SLC5A5: variants seen among roughly 807,000 people sequenced by gnomAD.
SLC5A5 encodes solute carrier family 5 member 5, also known as sodium/iodide cotransporter.
In SLC5A5, 56 loss-of-function variants were observed where a neutral mutation model predicts 68.6. That is an observed-to-expected ratio of 0.82 (90% CI 0.66 to 1.02). The LOEUF is 1.02. SLC5A5 is among the 50% of genes least tolerant of loss of function. The probability of loss-of-function intolerance (pLI) is 0.00; values close to 1 mark genes in which losing one functional copy is unlikely to be tolerated. For missense variants in SLC5A5, 807 were observed against 859.8 expected, an observed-to-expected ratio of 0.94 and a Z score of 0.77; for synonymous variants, 398 against 373.0, an observed-to-expected ratio of 1.07 and a Z score of -0.77.
intron 8 of SLC5A5, among the ~76,000 whole-genome samples, chr19:17,881,265 GT>G (rs34835308): frequency 9.3e-5 from 14 of 149,944 alleles, no homozygotes; most frequent in African/African-American, 3.4e-4. Context: ...GGCAGGTACT[GT>G]TTTTTTTTGT....
chr19:17,880,932 G>A lies in SLC5A5; in HGVS notation c.1037G>A (p.Cys346Tyr). Residue 346 changes from cysteine (C) to tyrosine (Y), a missense_variant, in exon 8 of 15, where the codon TGT (cysteine) becomes TAT (tyrosine). Coordinates refer to ENST00000222248, the MANE Select transcript of SLC5A5 (RefSeq NM_000453.3). ...GGAGTCCCCGGGCTTTTCCTGGCCT[G>A]TGCTTACAGTGGCACCCTCAGGTGA... The part of the protein sequence containing the change: ...LPGVPGLFLA[C>Y]AYSGTLSTAS... 1 of 1,613,818 alleles carries A rather than the reference G, an allele frequency of 6.2e-7. No individual in the cohort carries two copies. Among genetic ancestry groups the A allele is most frequent in the Non-Finnish European group, 8.5e-7 (1 of 1,179,798 alleles).
In SLC5A5 at chr19:17,893,903, A is replaced by G. The variant is rs1568428041; in HGVS notation, c.*26A>G. 1.9e-6 allele frequency: 3 copies of G among 1,551,488 alleles called. No homozygotes were observed. In the South Asian group the frequency reaches 3.6e-5, roughly 18 times the overall value. Reference sequence around the variant, plus strand: ...GGACAGGGCCAGCCGCGGGACTGACACCCTGGGATGGAACCTCAGGATGGG... The same window carrying G: ...GGACAGGGCCAGCCGCGGGACTGACGCCCTGGGATGGAACCTCAGGATGGG... On this transcript the variant is annotated 3_prime_UTR_variant, in exon 15 of 15. Coordinates refer to ENST00000222248, the MANE Select transcript of SLC5A5 (RefSeq NM_000453.3).
chr19:17,886,611 G>A (rs780391840), intron 12 of SLC5A5, among the ~76,000 whole-genome samples: 3 of 152,094 alleles, frequency 2.0e-5, no homozygotes, highest in Non-Finnish European at 4.4e-5. Flanking sequence ...CCCGGCCTAT[G>A]TTTAACTTTT....
intron 5 of SLC5A5, among the ~76,000 whole-genome samples, chr19:17,877,446 A>G (rs180826734): frequency 5.5e-4 from 83 of 151,374 alleles, no homozygotes; most frequent in African/African-American, 2.0e-3. Context: ...AGTAGCTGGG[A>G]TTAGAGGCAC....
chr19:17,874,439 T>C (rs573098501), intron 2 of SLC5A5, 55 bp from the exon 3 acceptor site: 8 of 1,552,504 alleles, frequency 5.2e-6, no homozygotes, highest in East Asian at 4.5e-5. Context: ...CCTCTCCCCA[T>C]CCCCAACTCG....
chr19:17,877,730 C>T lies in SLC5A5; in HGVS notation c.706C>T (p.Pro236Ser). The T allele has an allele frequency of 1.2e-6, 2 of 1,614,134 alleles. No homozygotes were observed. Among genetic ancestry groups the T allele is most frequent in the South Asian group, 1.1e-5 (1 of 91,078 alleles). ...TGCCCTGTCCCCACCCAGCTTTAAC[C>T]CTGACCCGAGGAGCCGCTATACATT... ...HSRINLMDFN[P>S]DPRSRYTFWT... Residue 236 changes from proline (P) to serine (S), a missense_variant, in exon 6 of 15, where the codon CCT (proline) becomes TCT (serine). Physicochemically the swap from Pro to Ser is moderately conservative, Grantham distance 74. Transcript: ENST00000222248.
chr19:17,891,913 A>G (rs1265561908), intron 14 of SLC5A5, among the ~76,000 whole-genome samples: 1 of 152,004 alleles, frequency 6.6e-6, no homozygotes, highest in Non-Finnish European at 1.5e-5. Context: ...CCCCCACCCC[A>G]CCCTCATCTA....
chr19:17,882,883 C>T (rs992002156), intron 10 of SLC5A5, among the ~76,000 whole-genome samples: 4 of 147,050 alleles, frequency 2.7e-5, no homozygotes, highest in African/African-American at 9.8e-5. Context: ...TGGGGTTTCA[C>T]CGTGTTAGCC....
At chr19:17,891,351 G>A (rs759025585) in intron 14 of SLC5A5, among the ~76,000 whole-genome samples, 7 of 151,928 alleles carry the variant, frequency 4.6e-5, no homozygotes, top group African/African-American at 1.7e-4. Flanking sequence ...TACTACAGGC[G>A]CATGCCACCG....
chr19:17,874,247 G>A (rs763594123), intron 2 of SLC5A5, 44 bp downstream of exon 2: 3 of 1,422,746 alleles, frequency 2.1e-6, no homozygotes, highest in Non-Finnish European at 3.0e-6. Context: ...CCCCGAGAGC[G>A]TCAGCCTTCA....
At chr19:17,883,598 G>T (rs545869360) in intron 10 of SLC5A5, 83 bp from the exon 11 acceptor site, 1 of 1,120,646 alleles carries the variant, frequency 8.9e-7, no homozygotes, top group African/African-American at 1.5e-5. Context: ...AGTTCCTGAG[G>T]TCTCGCTTTC....
chr19:17,874,106 C>T, intron 1 of SLC5A5, 32 bp from the exon 2 acceptor site: 3 of 1,538,948 alleles, frequency 1.9e-6, no homozygotes, highest in Non-Finnish European at 2.7e-6. Context: ...TGGGTAAGGA[C>T]TGTCCAGGTG....
At position 17,894,053 on chromosome 19, in the gene SLC5A5, T is replaced by A. The variant is rs2030311654; in HGVS notation, c.*176T>A. The A allele has an allele frequency of 1.5e-6, 1 of 648,808 alleles. No homozygotes were observed. The highest frequency in any genetic ancestry group is 1.9e-5 in the South Asian group (1 of 53,844). The allele number at this position is 648,808 out of a possible 1,614,324, so 40.2% of individuals were successfully genotyped here. On this transcript the variant is annotated 3_prime_UTR_variant, in exon 15 of 15. Coordinates refer to ENST00000222248, the MANE Select transcript of SLC5A5 (RefSeq NM_000453.3). ...GCCCTGCCTCCGGGAGGTCATTTTT[T>A]AAATCCAGCCCCTTGCTTCAACCGT... is the stretch of plus-strand genomic sequence containing the variant.
chr19:17,874,962 C>T (rs949534560), intron 4 of SLC5A5, among the ~76,000 whole-genome samples: 3 of 152,188 alleles, frequency 2.0e-5, no homozygotes, highest in Non-Finnish European at 2.9e-5. Context: ...GGCTTCCAGT[C>T]CAGCAGGAAG....
chr19:17,893,478 G>A (rs116804894), intron 14 of SLC5A5, among the ~76,000 whole-genome samples: 1,631 of 152,284 alleles, frequency 0.011, 22 homozygotes, highest in African/African-American at 0.035. Flanking sequence ...AGGCATCTGA[G>A]AAAGCGTTGA....
At chr19:17,892,697 A>AGC (rs1555755282) in intron 14 of SLC5A5, among the ~76,000 whole-genome samples, 1 of 146,802 alleles carries the variant, frequency 6.8e-6, no homozygotes, top group Non-Finnish European at 1.5e-5. Context: ...AGAGAGAGAG[A>AGC]GCAAGCTAAA....
Position 17,882,048 on chromosome 19 carries a change from C to G in SLC5A5, c.1147C>G (p.Leu383Val). ...PRLRSLAPRKLVIISKGLSLI... is the reference protein window; with the variant it reads ...PRLRSLAPRKVVIISKGLSLI... ...GCTGCGGAGCCTGGCACCCAGGAAA[C>G]TCGTGATTATCTCCAAGGGGCTCTG... The change falls in exon 9 of 15, where the codon CTC becomes GTC. Residue 383 changes from leucine to valine, a missense_variant. By Grantham distance (32) the Leu-to-Val change is conservative (BLOSUM62 1). Transcript: ENST00000222248. 4 of 1,614,134 alleles carry G rather than the reference C, an allele frequency of 2.5e-6. No homozygotes were observed. The highest frequency in any genetic ancestry group is 1.7e-6 in the Non-Finnish European group (2 of 1,179,962).
At chr19:17,883,555 G>C in intron 10 of SLC5A5, 126 bp from the exon 11 acceptor site, 1 of 821,044 alleles carries the variant, frequency 1.2e-6, no homozygotes, top group Non-Finnish European at 2.2e-6. Context: ...TAGGGAAACT[G>C]AGACACAGAG....
rs2094296542 is a variant in SLC5A5 at position 17,872,440 on chromosome 19, C to A, written c.121C>A (p.Gln41Lys). Residue 41 changes from glutamine to lysine, a missense_variant, in exon 1 of 15, where the codon CAG (glutamine) becomes AAG (lysine). By Grantham distance (53) the Gln-to-Lys change is moderately conservative. Coordinates refer to ENST00000222248, the MANE Select transcript of SLC5A5 (RefSeq NM_000453.3). ...GTGGGTCGGGCTGGCTCGGGGCGGG[C>A]AGCGCAGCGCTGAGGACTTCTTCAC... ...GLWVGLARGG[Q>K]RSAEDFFTGG... 1 of 1,608,552 alleles carries A rather than the reference C, an allele frequency of 6.2e-7. No homozygotes were observed.
Sources: allele counts gnomAD v4.1 joint callset (sites outside exome capture counted in the v4.1 genomes callset), GRCh38; gene constraint gnomAD v4.1.1; transcripts MANE v1.5; gene names NCBI Gene and HGNC (gene_info 2026-07-23, HGNC 2026-07-21).